USP4: variants seen among roughly 807,000 people sequenced by gnomAD.
USP4 encodes the protein ubiquitin specific peptidase 4, also known as ubiquitin carboxyl-terminal hydrolase 4.
In USP4, 72 loss-of-function variants were observed where a neutral mutation model predicts 118.2. That is an observed-to-expected ratio of 0.61 (90% confidence interval 0.50 to 0.74). The LOEUF (loss-of-function observed/expected upper bound fraction) is 0.74. Ranked by LOEUF, USP4 falls within the 30% of genes least tolerant of loss-of-function variation. USP4 has a pLI of 0.00. For synonymous variants in USP4, 415 were observed against 440.4 expected (o/e 0.94, Z 0.72); for missense variants, 1,037 against 1,185.7 (o/e 0.87, Z 1.84).
At position 49,278,308 on chromosome 3, in the gene USP4, G is replaced by A. The variant is rs1190546064; in HGVS notation, c.2877C>T (p.Ser959=). Residue 959 remains serine, a synonymous_variant, in exon 22 of 22, where the codon AGC becomes AGT. Transcript: ENST00000265560. ...GGAGTCAGCATTAGTTGGTGTCCAT[G>A]CTGCAAGCCTCATCATCCCCAAAGC... ...QQGFGDDEAC[S]MDTN 5.0e-6 allele frequency: 8 copies of A among 1,613,722 alleles called. No homozygotes were observed. The highest frequency in any genetic ancestry group is 6.8e-6 in the Non-Finnish European group (8 of 1,180,010).
In USP4 at chr3:49,335,459, T is replaced by C. The variant is rs746765142; in HGVS notation, c.229+10A>G. 5.0e-6 allele frequency: 8 copies of C among 1,614,168 alleles called. No homozygotes were observed. In the Admixed American group the frequency reaches 1.3e-4, roughly 27 times the overall value. ...TGAATGTTTAGCTAGAAAAGCAACA[T>C]TTACTATACCTGAAAATAGCCCAGA... On this transcript the variant is annotated intron_variant, in intron 2 of 21. Transcript: ENST00000265560.
chr3:49,322,178 T>C (rs535522039), intron 6 of USP4, among the ~76,000 whole-genome samples: 1 of 152,290 alleles, frequency 6.6e-6, no homozygotes, highest in African/African-American at 2.4e-5. Flanking sequence ...ATCCCCAAGG[T>C]TAATTTTGCC....
At chr3:49,338,520 G>A (rs2047695803) in intron 1 of USP4, among the ~76,000 whole-genome samples, 1 of 151,814 alleles carries the variant, frequency 6.6e-6, no homozygotes, top group South Asian at 2.1e-4. Context: ...AAATTAGCCG[G>A]CCGTGGTGGC....
intron 5 of USP4, 56 bp from the exon 6 acceptor site, chr3:49,324,819 G>A (rs2047534837): frequency 1.9e-6 from 3 of 1,613,110 alleles, no homozygotes; most frequent in Admixed American, 1.7e-5. Flanking sequence ...CTTCCAACAT[G>A]CTTAGAAGCA....
At chr3:49,325,523 G>A (rs2047544786) in intron 4 of USP4, among the ~76,000 whole-genome samples, 196 bp downstream of exon 4, 1 of 152,076 alleles carries the variant, frequency 6.6e-6, no homozygotes, top group Admixed American at 6.6e-5. Context: ...AAATGGGCAA[G>A]GAGCAGGCCC....
chr3:49,281,255 G>A (rs1416267809), intron 19 of USP4, among the ~76,000 whole-genome samples: 7 of 152,024 alleles, frequency 4.6e-5, no homozygotes, highest in Non-Finnish European at 1.0e-4. Context: ...AGAAGATTGA[G>A]ACCATCCTGG....
intron 19 of USP4, among the ~76,000 whole-genome samples, chr3:49,283,456 G>A (rs919668775): frequency 1.3e-5 from 2 of 152,106 alleles, no homozygotes; most frequent in African/African-American, 4.8e-5. Flanking sequence ...TGCCCAGCCA[G>A]GGAACATCTA....
Position 49,286,240 on chromosome 3 carries a change from T to A in USP4, c.2058A>T (p.Gly686=). The change falls in exon 16 of 22, where the codon GGA becomes GGT. Residue 686 remains glycine, a synonymous_variant. Transcript: ENST00000265560. ...ETEGSGEDEP[G]NDPSETTQKK... The stretch of plus-strand genomic sequence containing the variant: ...TTTGGGTGGTCTCACTGGGGTCATT[T>A]CCTGGCTCATCTTCCCCACTGCCTT... 2 of 1,614,180 alleles carry A rather than the reference T, an allele frequency of 1.2e-6. No homozygotes were observed. Among genetic ancestry groups the A allele is most frequent in the South Asian group, 2.2e-5 (2 of 91,084 alleles).
At chr3:49,324,551 G>C (rs1020527864) in intron 6 of USP4, 151 bp downstream of exon 6, 3 of 732,186 alleles carry the variant, frequency 4.1e-6, no homozygotes, top group Non-Finnish European at 6.9e-6. Flanking sequence ...CAAAAGCCAC[G>C]GTCTTCATCC....
Position 49,278,815 on chromosome 3 carries a change from A to G in USP4, c.2732T>C (p.Val911Ala). 1.2e-6 allele frequency: 2 copies of G among 1,604,274 alleles called. No individual in the cohort carries two copies. The highest frequency in any genetic ancestry group is 1.7e-6 in the Non-Finnish European group (2 of 1,174,008). Residue 911 changes from valine (V) to alanine (A), a missense_variant and splice_region_variant, in exon 21 of 22, where the codon GTG becomes GCG. By Grantham distance (64) the Val-to-Ala change is moderately conservative. Transcript: ENST00000265560. The part of the protein sequence containing the change: ...NVSLASEDQI[V>A]TKAAYVLFYQ... ...AACCACATATCATGGCCTACTCACC[A>G]CTATCTGATCCTCAGAGGCCAGGGA... is the stretch of plus-strand genomic sequence containing the variant.
At chr3:49,292,621 GA>G (rs753015309) in intron 14 of USP4, 23 bp from the exon 15 acceptor site, 14 of 1,490,786 alleles carry the variant, frequency 9.4e-6, no homozygotes, top group East Asian at 7.2e-5. Flanking sequence ...AAAAAGAGAA[GA>G]AAAAAAAGAT....
Position 49,325,822 on chromosome 3 carries a change from G to A in USP4, c.384C>T (p.Val128=). The change falls in exon 4 of 22, where the codon GTC becomes GTT. Residue 128 remains valine (V), a synonymous_variant. Transcript: ENST00000265560. ...VRKVVEHGLF[V]KHCKVEVYLL... The stretch of plus-strand genomic sequence containing the variant: ...AATACACCTCGACTTTGCAGTGCTT[G>A]ACAAACAGGCCATGCTCCACAACCT... 2 of 1,613,770 alleles carry A rather than the reference G, an allele frequency of 1.2e-6. No individual in the cohort carries two copies.
intron 1 of USP4, among the ~76,000 whole-genome samples, chr3:49,339,091 G>A (rs559234740): frequency 6.6e-6 from 1 of 152,198 alleles, no homozygotes; most frequent in Non-Finnish European, 1.5e-5. Context: ...AGGTTGCCGT[G>A]AGCCAAGATC....
In USP4 at chr3:49,300,620, G is replaced by C; in HGVS notation, c.1359C>G (p.Gly453=). The change falls in exon 11 of 22, where the codon GGC becomes GGG. Residue 453 remains glycine, a synonymous_variant. Transcript: ENST00000265560. Reference sequence around the variant, plus strand: ...GGCAAACCAAAGTAGATTTGAAGAGGCCATGGAAAGTATCCACAATCACAG... The same window carrying C: ...GGCAAACCAAAGTAGATTTGAAGAGCCCATGGAAAGTATCCACAATCACAG... ...NDSVIVDTFH[G]LFKSTLVCPE... 1 of 1,614,194 alleles carries C rather than the reference G, an allele frequency of 6.2e-7. No individual in the cohort carries two copies. Among genetic ancestry groups the C allele is most frequent in the Non-Finnish European group, 8.5e-7 (1 of 1,180,028 alleles).
chr3:49,279,940 T>C, intron 20 of USP4, among the ~76,000 whole-genome samples: 1 of 152,110 alleles, frequency 6.6e-6, no homozygotes, highest in East Asian at 1.9e-4. Context: ...GCCCAAATGG[T>C]ATGTTTGTGT....
At chr3:49,301,149 C>T (rs1259750127) in intron 10 of USP4, among the ~76,000 whole-genome samples, 1 of 151,890 alleles carries the variant, frequency 6.6e-6, no homozygotes, top group African/African-American at 2.4e-5. Flanking sequence ...CTATGTTGAC[C>T]AGACAGTTCT....
At chr3:49,297,750 T>G in intron 13 of USP4, 120 bp downstream of exon 13, 1 of 774,786 alleles carries the variant, frequency 1.3e-6, no homozygotes. Flanking sequence ...CACCCAGGGG[T>G]CAGGGCCAAT....
intron 9 of USP4, among the ~76,000 whole-genome samples, chr3:49,302,849 T>C (rs1575608315): frequency 6.6e-6 from 1 of 152,280 alleles, no homozygotes; most frequent in Non-Finnish European, 1.5e-5. Flanking sequence ...CTCTCCAACA[T>C]GTCCTTCTTT....
At position 49,339,953 on chromosome 3, in the gene USP4, C is replaced by G. The variant is rs992582980; in HGVS notation, c.72G>C (p.Met24Ile). The change falls in exon 1 of 22, where the codon ATG becomes ATC. Residue 24 changes from methionine (M) to isoleucine (I), a missense_variant. Transcript: ENST00000265560. ...GCGCCCCGCGTTGGAGTGTGGTCCTCATTAAGGGTCCAAGCTCGGACTTCT... is the reference window on the plus strand; with the variant it reads ...GCGCCCCGCGTTGGAGTGTGGTCCTGATTAAGGGTCCAAGCTCGGACTTCT... ...ETQKSELGPL[M>I]RTTLQRGAQW... The G allele has an allele frequency of 6.2e-7, 1 of 1,613,194 alleles. No homozygotes were observed. Among genetic ancestry groups the G allele is most frequent in the African/African-American group, 1.3e-5 (1 of 75,046 alleles).
Sources: gnomAD v4.1 joint callset for allele counts (sites outside exome capture counted in the v4.1 genomes callset) on GRCh38, gnomAD v4.1.1 for gene constraint, MANE v1.5 for transcripts, NCBI Gene and HGNC (gene_info 2026-07-23, HGNC 2026-07-21) for gene names.